The following NCKAP5 variants were observed in gnomAD, a reference collection of about 807,000 sequenced individuals.
NCKAP5 encodes the protein NCK associated protein 5.
In NCKAP5, 92 loss-of-function variants were observed where a neutral mutation model predicts 167.0. That is an observed-to-expected ratio of 0.55 (90% CI 0.47 to 0.66). The LOEUF (loss-of-function observed/expected upper bound fraction) is 0.66. Among genes scored for constraint, NCKAP5 ranks in the 30% least tolerant of loss-of-function variants. The probability of loss-of-function intolerance (pLI) is 0.00; values close to 1 mark genes in which losing one functional copy is unlikely to be tolerated. For missense variants in NCKAP5, 2,378 were observed against 2,315.0 expected, an observed-to-expected ratio of 1.03 and a Z score of -0.56; for synonymous variants, 891 against 877.4, an observed-to-expected ratio of 1.02 and a Z score of -0.27.
At chr2:133,526,169 A>AAGGG (rs1684855429) in intron 2 of NCKAP5, among the ~76,000 whole-genome samples, 1 of 68,324 alleles carries the variant, frequency 1.5e-5, no homozygotes, top group Non-Finnish European at 2.8e-5. Flanking sequence ...GGGAATGAGG[A>AAGGG]AGGAAGGAAG....
At chr2:133,349,373 C>G (rs1212562456) in intron 3 of NCKAP5, among the ~76,000 whole-genome samples, 1 of 152,210 alleles carries the variant, frequency 6.6e-6, no homozygotes, top group East Asian at 1.9e-4. Context: ...CACAGCAGCA[C>G]ACACCTGGTT....
chr2:133,052,474 T>C (rs753335278), intron 6 of NCKAP5, among the ~76,000 whole-genome samples: 1 of 152,058 alleles, frequency 6.6e-6, no homozygotes, highest in Non-Finnish European at 1.5e-5. Context: ...TTCCAGCTCT[T>C]TGGGAGGCCA....
chr2:133,186,711 T>C (rs940195819), intron 5 of NCKAP5, among the ~76,000 whole-genome samples: 1 of 152,090 alleles, frequency 6.6e-6, no homozygotes, highest in African/African-American at 2.4e-5. Flanking sequence ...TTTATTCATT[T>C]CCTCTAGATT....
At chr2:133,090,066 G>A in intron 6 of NCKAP5, among the ~76,000 whole-genome samples, 1 of 151,948 alleles carries the variant, frequency 6.6e-6, no homozygotes, top group East Asian at 1.9e-4. Flanking sequence ...AATGACCCCT[G>A]AAAAACATAT....
chr2:133,628,576 T>C, the NCKAP5 span, among the ~76,000 whole-genome samples: 3 of 152,044 alleles, frequency 2.0e-5, no homozygotes, highest in East Asian at 5.8e-4. Flanking sequence ...GCCCAAATTA[T>C]AAATTCAATG....
intron 3 of NCKAP5, among the ~76,000 whole-genome samples, chr2:133,513,060 T>C (rs1683637701): frequency 6.6e-6 from 1 of 152,118 alleles, no homozygotes; most frequent in African/African-American, 2.4e-5. Context: ...AGGGAGACCT[T>C]CCAGGAAAGA....
intron 5 of NCKAP5, among the ~76,000 whole-genome samples, chr2:133,192,668 T>C (rs998847210): frequency 7.5e-6 from 1 of 133,614 alleles, no homozygotes; most frequent in Non-Finnish European, 1.7e-5. Flanking sequence ...CCACTAACCA[T>C]TAGAGTAATG....
chr2:132,783,431 C>A lies in NCKAP5; in HGVS notation c.3380G>T (p.Ser1127Ile), dbSNP rs1683238140. 6.3e-7 allele frequency: 1 copy of A among 1,586,710 alleles called. No homozygotes were observed. The highest frequency in any genetic ancestry group is 1.7e-5 in the Admixed American group (1 of 57,376). Residue 1127 changes from serine to isoleucine, a missense_variant, in exon 14 of 20, where the codon AGC becomes ATC. Physicochemically the swap from Ser to Ile is moderately radical, Grantham distance 142 (BLOSUM62 -2). Around this residue, in one of 3 missense-constraint regions of NCKAP5, gnomAD observed 1,325 missense variants for 1,274.5 expected, o/e 1.04. Transcript: ENST00000409261. ...TTGACAACCATGAGGGCTGTTATGG[C>A]TTTTGGCGGGTGATGAGGATGATGA... ...SSSSSSSPAK[S>I]HNSPHGCQSA... is the part of the protein sequence containing the mutation.
intron 2 of NCKAP5, among the ~76,000 whole-genome samples, chr2:133,553,136 C>G (rs13000087): frequency 0.28 from 42,960 of 152,066 alleles, 6,514 homozygotes; most frequent in East Asian, 0.38. Flanking sequence ...AGTAAACGGG[C>G]AGGATATAAG....
At chr2:133,381,616 T>A (rs1686528438) in intron 3 of NCKAP5, 1 of 152,216 alleles carries the variant, frequency 6.6e-6, no homozygotes, top group Non-Finnish European at 1.5e-5. Context: ...CTGCTTCTCT[T>A]ACACAGGAGG....
chr2:133,173,296 G>T lies in NCKAP5; in HGVS notation c.207+40420C>A, dbSNP rs977676811. On this transcript the variant is annotated intron_variant, in intron 5 of 19. Transcript: ENST00000409261. Reference sequence around the variant, plus strand: ...CAACTCTGGGGGGAGCTGGAAGAAAGAAAATGGCTATGGAAATACTGAGCA... The same window carrying T: ...CAACTCTGGGGGGAGCTGGAAGAAATAAAATGGCTATGGAAATACTGAGCA... Among the ~76,000 whole-genome samples, 7 of 152,158 alleles carry T rather than the reference G, an allele frequency of 4.6e-5. No homozygotes were observed. The South Asian group carries it at 1.2e-3, about 27-fold the overall frequency.
intron 3 of NCKAP5, among the ~76,000 whole-genome samples, chr2:133,449,543 G>T (rs1013889556): frequency 6.6e-6 from 1 of 152,094 alleles, no homozygotes; most frequent in Non-Finnish European, 1.5e-5. Context: ...TGGACTTTTG[G>T]GTCCTTTTCC....
chr2:133,172,772 C>T (rs1347343599), intron 5 of NCKAP5, among the ~76,000 whole-genome samples: 13 of 152,208 alleles, frequency 8.5e-5, no homozygotes, highest in South Asian at 2.1e-4. Context: ...CTCAGCCTCC[C>T]GAGGAGCTGG....
intron 16 of NCKAP5, among the ~76,000 whole-genome samples, chr2:132,760,122 G>C (rs1488989141): frequency 1.3e-5 from 2 of 151,842 alleles, no homozygotes; most frequent in Non-Finnish European, 2.9e-5. Context: ...TATTGCTCAG[G>C]ATTTATTTCT....
chr2:133,429,689 CCA>C (rs1251209475), intron 3 of NCKAP5, among the ~76,000 whole-genome samples: 1 of 149,778 alleles, frequency 6.7e-6, no homozygotes, highest in Non-Finnish European at 1.5e-5. Flanking sequence ...TGTTTATGTA[CCA>C]CATTTTATTT....
At chr2:133,216,119 A>G (rs926726077) in intron 4 of NCKAP5, among the ~76,000 whole-genome samples, 1 of 152,170 alleles carries the variant, frequency 6.6e-6, no homozygotes, top group African/African-American at 2.4e-5. Context: ...AACATATATC[A>G]CATTCATGGA....
intron 11 of NCKAP5, among the ~76,000 whole-genome samples, chr2:132,819,273 G>T (rs1237520020): frequency 2.0e-5 from 3 of 152,146 alleles, no homozygotes; most frequent in African/African-American, 7.2e-5. Flanking sequence ...AGAACCTGGA[G>T]TCACTGGTCC....
the NCKAP5 span, among the ~76,000 whole-genome samples, chr2:133,649,179 C>T: frequency 2.6e-4 from 39 of 147,824 alleles, no homozygotes; most frequent in African/African-American, 6.5e-4. Context: ...CCTATCAAGA[C>T]GAAATTATGA....
chr2:133,658,651 A>T, the NCKAP5 span, among the ~76,000 whole-genome samples: 1 of 152,202 alleles, frequency 6.6e-6, no homozygotes, highest in East Asian at 1.9e-4. Context: ...GCTCAGGGAC[A>T]GTCAGGCTCA....
Sources: gnomAD v4.1 joint callset for allele counts (sites outside exome capture counted in the v4.1 genomes callset) on GRCh38, gnomAD v4.1.1 for gene constraint, gnomAD v4.1.1 regional missense constraint, MANE v1.5 for transcripts, NCBI Gene and HGNC (gene_info 2026-07-23, HGNC 2026-07-21) for gene names.